The following PCDHA13 variants were observed in gnomAD, a reference collection of about 807,000 sequenced individuals.
The protein encoded by PCDHA13 is protocadherin alpha 13.
Under a neutral mutation model 64.8 loss-of-function variants are expected in PCDHA13, and 54 were observed. The observed-to-expected ratio is 0.83, with a 90% CI of 0.67 to 1.04. The LOEUF (loss-of-function observed/expected upper bound fraction) is 1.04. Among genes scored for constraint, PCDHA13 ranks in the 50% least tolerant of loss-of-function variants. PCDHA13 has a pLI of 0.00. For missense variants in PCDHA13, 1,248 were observed against 1,254.3 expected (o/e 0.99, Z 0.08); for synonymous variants, 587 against 564.4 (o/e 1.04, Z -0.57).
intron 1 of PCDHA13, among the ~76,000 whole-genome samples, chr5:140,953,819 G>A (rs782420849): frequency 1.3e-5 from 2 of 151,904 alleles, no homozygotes; most frequent in Non-Finnish European, 1.5e-5. Context: ...GCATGTGCTA[G>A]TTGTGCAGGT....
At chr5:140,941,253 T>TTCTTTCTTTCTC (rs1563187863) in intron 1 of PCDHA13, among the ~76,000 whole-genome samples, 4 of 64,962 alleles carry the variant, frequency 6.2e-5, no homozygotes, top group Non-Finnish European at 1.0e-4. Flanking sequence ...CTTTCTTTCT[T>TTCTTTCTTTCTC]TCTCTTTCTT....
At chr5:140,920,746 A>AG (rs1190651507) in intron 1 of PCDHA13, among the ~76,000 whole-genome samples, 2 of 151,430 alleles carry the variant, frequency 1.3e-5, no homozygotes, top group African/African-American at 4.8e-5. Context: ...CAGGAGGCTG[A>AG]GGCAGGAGAA....
intron 1 of PCDHA13, among the ~76,000 whole-genome samples, chr5:140,938,299 A>T (rs995168721): frequency 1.3e-5 from 2 of 152,192 alleles, no homozygotes; most frequent in Admixed American, 6.5e-5. Flanking sequence ...TTGCCTATGA[A>T]ATTCAGTATA....
At chr5:140,894,296 C>T (rs1434101692) in intron 1 of PCDHA13, among the ~76,000 whole-genome samples, 4 of 151,798 alleles carry the variant, frequency 2.6e-5, no homozygotes, top group African/African-American at 4.8e-5. Flanking sequence ...AGTTTATTTT[C>T]CTGGAAAGTT....
At chr5:140,897,591 T>C (rs542451957) in intron 1 of PCDHA13, among the ~76,000 whole-genome samples, 1 of 152,312 alleles carries the variant, frequency 6.6e-6, no homozygotes, top group African/African-American at 2.4e-5. Flanking sequence ...TCTGTCATTG[T>C]TGGACATTTG....
intron 1 of PCDHA13, among the ~76,000 whole-genome samples, chr5:140,973,202 T>C (rs1266876355): frequency 3.3e-5 from 5 of 152,244 alleles, no homozygotes; most frequent in African/African-American, 1.2e-4. Flanking sequence ...TATGTGTGCA[T>C]ATTCACCCTA....
intron 1 of PCDHA13, among the ~76,000 whole-genome samples, chr5:140,918,821 GC>G (rs35355209): frequency 0.76 from 114,950 of 152,064 alleles, 44,573 homozygotes; most frequent in African/African-American, 0.94. Flanking sequence ...CCAAAAAGTG[GC>G]CCCCTCCCCA....
At chr5:141,001,908 G>T (rs2098043431) in intron 3 of PCDHA13, among the ~76,000 whole-genome samples, 1 of 152,198 alleles carries the variant, frequency 6.6e-6, no homozygotes, top group Non-Finnish European at 1.5e-5. Flanking sequence ...GTTTGAAAAA[G>T]ACTGCAGTGG....
At chr5:140,962,930 C>A (rs2095720492) in intron 1 of PCDHA13, among the ~76,000 whole-genome samples, 1 of 152,144 alleles carries the variant, frequency 6.6e-6, no homozygotes, top group South Asian at 2.1e-4. Flanking sequence ...TACTTCTCAA[C>A]CTCCTCTCCA....
chr5:140,882,175 G>T lies in PCDHA13; in HGVS notation c.-94G>T. On this transcript the variant is annotated 5_prime_UTR_variant, in exon 1 of 4. Transcript: ENST00000289272. ...CGGAATACCTCTTGCGAATCCTTCC[G>T]CACTAGGAAGCCATAAAAATTGGGC... is the stretch of plus-strand genomic sequence containing the variant. The T allele has an allele frequency of 6.6e-7, 1 of 1,515,152 alleles. No individual in the cohort carries two copies. The highest frequency in any genetic ancestry group is 8.8e-7 in the Non-Finnish European group (1 of 1,132,542). 93.9% of individuals were successfully genotyped at this position (1,515,152 alleles called of 1,614,324 possible). A position where few individuals can be genotyped will look rare whatever the true frequency, so the allele number is the denominator to read the frequency against.
At chr5:140,896,572 T>C (rs1208639295) in intron 1 of PCDHA13, among the ~76,000 whole-genome samples, 5 of 152,002 alleles carry the variant, frequency 3.3e-5, no homozygotes, top group Admixed American at 3.3e-4. Context: ...AGATGGGGTT[T>C]TGACGTGTTG....
In PCDHA13 at chr5:141,009,750, T is replaced by C; in HGVS notation, c.2666T>C (p.Ile889Thr). Residue 889 changes from isoleucine (I) to threonine (T), a missense_variant, in exon 4 of 4, where the codon ATT becomes ACT. By Grantham distance (89) the Ile-to-Thr change is moderately conservative. Coordinates refer to ENST00000289272, the MANE Select transcript of PCDHA13 (RefSeq NM_018904.3). ...CCCGGTGAGTTGCCCGACAAATTCA[T>C]TATCCCAGGATCTCCTGCAATCATC... ...SGPGELPDKF[I>T]IPGSPAIISI... 1.2e-6 allele frequency: 2 copies of C among 1,614,130 alleles called. No individual in the cohort carries two copies. The highest frequency in any genetic ancestry group is 3.3e-5 in the Admixed American group (2 of 60,026).
At chr5:140,968,539 C>T (rs781815829) in intron 1 of PCDHA13, 30 of 1,614,078 alleles carry the variant, frequency 1.9e-5, no homozygotes, top group East Asian at 6.7e-5. Context: ...CAGCAGCCTT[C>T]GAGATGGTGC....
At chr5:140,969,601 T>C (rs2096345611) in intron 1 of PCDHA13, 1 of 772,836 alleles carries the variant, frequency 1.3e-6, no homozygotes, top group African/African-American at 1.8e-5. Flanking sequence ...TATTTAATGC[T>C]AAAACACAGA....
chr5:140,990,869 G>A (rs2097420316), intron 3 of PCDHA13, among the ~76,000 whole-genome samples: 3 of 152,192 alleles, frequency 2.0e-5, no homozygotes, highest in African/African-American at 4.8e-5. Context: ...TGTATTTTAA[G>A]TGTATGTTCC....
chr5:140,972,660 ATTTT>A (rs11350929), intron 1 of PCDHA13, among the ~76,000 whole-genome samples: 1 of 117,264 alleles, frequency 8.5e-6, no homozygotes. Flanking sequence ...AAGAAACCAA[ATTTT>A]TTTTTTTTTT....
chr5:140,990,605 A>T (rs1234326404), intron 3 of PCDHA13, among the ~76,000 whole-genome samples: 4 of 152,214 alleles, frequency 2.6e-5, no homozygotes, highest in Non-Finnish European at 4.4e-5. Flanking sequence ...GAGTCAGATG[A>T]ATACCGTAAA....
chr5:140,953,045 C>A (rs1414124229), intron 1 of PCDHA13, among the ~76,000 whole-genome samples: 2 of 152,288 alleles, frequency 1.3e-5, no homozygotes, highest in Admixed American at 6.5e-5. Flanking sequence ...CCCCATGATC[C>A]AATCACCTCT....
Position 140,883,784 on chromosome 5 carries a change from A to G in PCDHA13, c.1516A>G (p.Ser506Gly), listed in dbSNP as rs2059818732. The change falls in exon 1 of 4, where the codon AGC (serine) becomes GGC (glycine). Residue 506 changes from serine (S) to glycine (G), a missense_variant. By Grantham distance (56) the Ser-to-Gly change is moderately conservative. Transcript: ENST00000289272. ...ERRVGERALS[S>G]YVSVHAESGK... Reference sequence around the variant, plus strand: ...GCGGGTGGGCGAGCGTGCGCTGTCGAGCTACGTGTCGGTGCACGCGGAGAG... The same window carrying G: ...GCGGGTGGGCGAGCGTGCGCTGTCGGGCTACGTGTCGGTGCACGCGGAGAG... 6 of 1,612,354 alleles carry G rather than the reference A, an allele frequency of 3.7e-6. No individual in the cohort carries two copies. The highest frequency in any genetic ancestry group is 4.2e-6 in the Non-Finnish European group (5 of 1,179,694).
Sources: allele counts gnomAD v4.1 joint callset (sites outside exome capture counted in the v4.1 genomes callset), GRCh38; gene constraint gnomAD v4.1.1; transcripts MANE v1.5; gene names NCBI Gene and HGNC (gene_info 2026-07-23, HGNC 2026-07-21).